ZNF536: variants seen among roughly 807,000 people sequenced by gnomAD.
ZNF536 encodes the protein zinc finger protein 536.
Under a neutral mutation model 84.5 loss-of-function variants are expected in ZNF536, and 13 were observed. The observed-to-expected ratio is 0.15, with a 90% CI of 0.10 to 0.24. The LOEUF is 0.24. Ranked by LOEUF, ZNF536 falls within the 10% of genes least tolerant of loss-of-function variation. ZNF536 has a pLI of 1.00. For synonymous variants in ZNF536, 811 were observed against 742.5 expected (o/e 1.09, Z -1.50); for missense variants, 1,536 against 1,747.5 (o/e 0.88, Z 2.16).
chr19:30,626,033 C>A (rs1203297253), intron 1 of ZNF536, among the ~76,000 whole-genome samples: 1 of 152,086 alleles, frequency 6.6e-6, no homozygotes, highest in Non-Finnish European at 1.5e-5. Flanking sequence ...AGTTATTTAC[C>A]AAGAAAAAAA....
intron 1 of ZNF536, among the ~76,000 whole-genome samples, chr19:30,658,537 T>G (rs1053912384): frequency 6.6e-6 from 1 of 151,270 alleles, no homozygotes; most frequent in African/African-American, 2.5e-5. Context: ...AACCTCTCTC[T>G]GTCACACACA....
rs548328316 is a variant in ZNF536 at position 30,596,777 on chromosome 19, AG to A, written c.169+47269del. ...TTTTGCGAGTGTGTGTGTGTGTGGG[AG>A]GGGGGTTCTGATGACCACATAGGTT... On this transcript the variant is annotated intron_variant, in intron 1 of 1. Transcript: ENST00000592773. Among the ~76,000 whole-genome samples the A allele has an allele frequency of 4.7e-5, 7 of 150,348 alleles. No individual in the cohort carries two copies. The South Asian group carries it at 6.3e-4, about 14-fold the overall frequency.
intron 1 of ZNF536, among the ~76,000 whole-genome samples, chr19:30,378,367 G>A (rs907947154): frequency 6.6e-6 from 1 of 152,186 alleles, no homozygotes; most frequent in Non-Finnish European, 1.5e-5. Context: ...TGCCATGTTG[G>A]CTAGTCTGGT....
chr19:30,426,851 A>G (rs2051236472), intron 1 of ZNF536, among the ~76,000 whole-genome samples: 1 of 152,150 alleles, frequency 6.6e-6, no homozygotes, highest in African/African-American at 2.4e-5. Flanking sequence ...GACAGCTTAG[A>G]GGGTAGAGGT....
At chr19:30,551,437 G>A (rs965289699) in intron 4 of ZNF536, among the ~76,000 whole-genome samples, 1 of 152,162 alleles carries the variant, frequency 6.6e-6, no homozygotes, top group Non-Finnish European at 1.5e-5. Flanking sequence ...CAAGCTCCTA[G>A]GAACTTCTCA....
At chr19:30,571,794 T>G (rs1191234948) in intron 1 of ZNF536, among the ~76,000 whole-genome samples, 2 of 152,084 alleles carry the variant, frequency 1.3e-5, no homozygotes, top group Admixed American at 6.5e-5. Flanking sequence ...TTTTTAGGGC[T>G]CATTGAGGCC....
At chr19:30,498,192 T>C (rs185080231) in intron 2 of ZNF536, among the ~76,000 whole-genome samples, 3 of 152,284 alleles carry the variant, frequency 2.0e-5, no homozygotes, top group African/African-American at 7.2e-5. Context: ...TCAACACAAA[T>C]GACCGTTAAT....
intron 2 of ZNF536, among the ~76,000 whole-genome samples, chr19:30,514,818 G>T (rs2055567335): frequency 2.0e-5 from 3 of 152,076 alleles, no homozygotes; most frequent in Admixed American, 2.0e-4. Context: ...CTCCGGCTCT[G>T]GGTAGCTTGC....
At chr19:30,643,055 T>C (rs1796005404) in intron 1 of ZNF536, among the ~76,000 whole-genome samples, 1 of 152,224 alleles carries the variant, frequency 6.6e-6, no homozygotes, top group East Asian at 1.9e-4. Context: ...TATAACTGAT[T>C]GGATTTCATA....
chr19:30,583,660 T>C (rs1302677364), intron 1 of ZNF536, among the ~76,000 whole-genome samples: 2 of 152,166 alleles, frequency 1.3e-5, no homozygotes, highest in African/African-American at 2.4e-5. Flanking sequence ...TTTCTGTACA[T>C]GGACCCTTGA....
chr19:30,680,180 T>G (rs1271901674), intron 1 of ZNF536, among the ~76,000 whole-genome samples: 1 of 152,206 alleles, frequency 6.6e-6, no homozygotes, highest in African/African-American at 2.4e-5. Context: ...AGGGGCCCCA[T>G]GCACAGACCC....
In ZNF536 at chr19:30,557,185, C is replaced by T. The variant is rs75725018; in HGVS notation, c.*21C>T. ...AGTGACACTCCCTGTCCTAGTCGGT[C>T]TATCTGGACTTGCCCTTGTCTGTTC... On this transcript the variant is annotated 3_prime_UTR_variant, in exon 5 of 5. Coordinates refer to ENST00000355537, the MANE Select transcript of ZNF536 (RefSeq NM_014717.3). The T allele has an allele frequency of 2.0e-5, 32 of 1,613,500 alleles. No homozygotes were observed. Among genetic ancestry groups the T allele is most frequent in the Non-Finnish European group, 2.6e-5 (31 of 1,179,716 alleles).
chr19:30,655,414 T>A (rs2147504091), intron 1 of ZNF536, among the ~76,000 whole-genome samples: 1 of 152,236 alleles, frequency 6.6e-6, no homozygotes, highest in Non-Finnish European at 1.5e-5. Context: ...GCAAGGGGAA[T>A]GCCATACTGA....
At chr19:30,709,315 G>A (rs2052368392) in intron 1 of ZNF536, among the ~76,000 whole-genome samples, 2 of 151,972 alleles carry the variant, frequency 1.3e-5, no homozygotes, top group African/African-American at 2.4e-5. Flanking sequence ...TCCTGGTCCC[G>A]ACAACTTTCG....
intron 2 of ZNF536, among the ~76,000 whole-genome samples, chr19:30,307,761 T>G (rs1164063728): frequency 6.6e-6 from 1 of 152,250 alleles, no homozygotes; most frequent in African/African-American, 2.4e-5. Flanking sequence ...GATTTAGTTA[T>G]TGGCTCGTGT....
intron 1 of ZNF536, among the ~76,000 whole-genome samples, chr19:30,640,686 C>A (rs535940251): frequency 6.6e-6 from 1 of 152,328 alleles, no homozygotes; most frequent in Non-Finnish European, 1.5e-5. Flanking sequence ...TCTGTGCAGG[C>A]ACAGGCACTC....
chr19:30,236,529 C>CGG (rs145207327), intron 1 of ZNF536, among the ~76,000 whole-genome samples: 1,817 of 117,548 alleles, frequency 0.015, 67 homozygotes, highest in African/African-American at 0.046. Context: ...AAAGTTGGGG[C>CGG]GGGGGGGGGG....
intron 1 of ZNF536, among the ~76,000 whole-genome samples, chr19:30,268,758 C>T (rs561080718): frequency 2.6e-5 from 4 of 152,306 alleles, no homozygotes; most frequent in Non-Finnish European, 4.4e-5. Flanking sequence ...GAACATTCCT[C>T]GCCGCTTCAG....
At chr19:30,538,086 C>T (rs959293806) in intron 3 of ZNF536, among the ~76,000 whole-genome samples, 1 of 152,186 alleles carries the variant, frequency 6.6e-6, no homozygotes, top group East Asian at 1.9e-4. Flanking sequence ...TCACAATCAA[C>T]GTATTTGTTA....
Sources: gnomAD v4.1 joint callset for allele counts (sites outside exome capture counted in the v4.1 genomes callset) on GRCh38, gnomAD v4.1.1 for gene constraint, MANE v1.5 for transcripts, NCBI Gene and HGNC (gene_info 2026-07-23, HGNC 2026-07-21) for gene names.